The following SNX29 variants were observed in gnomAD, a reference collection of about 807,000 sequenced individuals.
SNX29 encodes sorting nexin-29.
Under a neutral mutation model 102.1 loss-of-function variants are expected in SNX29, and 78 were observed. That is an observed-to-expected ratio of 0.76 (90% CI 0.64 to 0.92). The LOEUF is 0.92. Ranked by LOEUF, SNX29 falls within the 40% of genes least tolerant of loss-of-function variation. The probability of loss-of-function intolerance (pLI) is 0.00; values close to 1 mark genes in which losing one functional copy is unlikely to be tolerated. For missense variants in SNX29, 1,280 were observed against 1,061.7 expected, an observed-to-expected ratio of 1.21 and a Z score of -2.86; for synonymous variants, 580 against 414.5, an observed-to-expected ratio of 1.40 and a Z score of -4.85.
chr16:12,181,936 T>G (rs1011168200), intron 13 of SNX29, among the ~76,000 whole-genome samples: 15 of 151,550 alleles, frequency 9.9e-5, no homozygotes, highest in Non-Finnish European at 1.6e-4. Flanking sequence ...CAGGCTGAAG[T>G]GCAGTGGCAC....
At chr16:12,173,678 G>T (rs969889807) in intron 13 of SNX29, among the ~76,000 whole-genome samples, 1 of 152,226 alleles carries the variant, frequency 6.6e-6, no homozygotes, top group Admixed American at 6.5e-5. Context: ...TGGGAGAAGG[G>T]AAGGCTTCAT....
chr16:12,548,571 C>T (rs2077757819), intron 20 of SNX29, among the ~76,000 whole-genome samples: 1 of 152,174 alleles, frequency 6.6e-6, no homozygotes, highest in Non-Finnish European at 1.5e-5. Flanking sequence ...ATGATGCTGG[C>T]TTCCCTGTAA....
chr16:12,460,138 C>T (rs774739075), intron 18 of SNX29, among the ~76,000 whole-genome samples: 1 of 152,166 alleles, frequency 6.6e-6, no homozygotes, highest in Non-Finnish European at 1.5e-5. Flanking sequence ...GGCTGAATCA[C>T]GACCTCCCCA....
At chr16:12,106,103 T>G (rs752102951) in intron 11 of SNX29, among the ~76,000 whole-genome samples, 1 of 152,194 alleles carries the variant, frequency 6.6e-6, no homozygotes, top group African/African-American at 2.4e-5. Flanking sequence ...CACAGCTTAA[T>G]GATACGAAAT....
intron 13 of SNX29, among the ~76,000 whole-genome samples, chr16:12,181,976 G>A (rs2076396093): frequency 6.6e-6 from 1 of 151,662 alleles, no homozygotes; most frequent in African/African-American, 2.4e-5. Context: ...CTGTGCCTCT[G>A]GGGTTCAAGC....
At position 12,469,839 on chromosome 16, in the gene SNX29, C is replaced by T. The variant is rs143297745; in HGVS notation, c.2038-7880C>T. Among the ~76,000 whole-genome samples the T allele has an allele frequency of 2.7e-4, 41 of 152,158 alleles. No homozygotes were observed. In the East Asian group the frequency reaches 7.0e-3, roughly 26 times the overall value. On this transcript the variant is annotated intron_variant, in intron 18 of 20. Transcript: ENST00000566228. ...CAGCCTGGCCAACATGGTGAAACCC[C>T]GTCTCTACTAACAATACAAAATTAA...
intron 11 of SNX29, among the ~76,000 whole-genome samples, chr16:12,112,526 G>T (rs2053540536): frequency 6.6e-6 from 1 of 152,184 alleles, no homozygotes; most frequent in African/African-American, 2.4e-5. Flanking sequence ...AGAAGGCATG[G>T]GTGGAATCCT....
At chr16:12,516,836 C>G (rs1245377282) in intron 19 of SNX29, among the ~76,000 whole-genome samples, 1 of 152,164 alleles carries the variant, frequency 6.6e-6, no homozygotes, top group Admixed American at 6.5e-5. Context: ...CAGAAACAAA[C>G]CAGGAAACAA....
chr16:12,444,842 G>GTTTT (rs34218008), intron 18 of SNX29, among the ~76,000 whole-genome samples: 9 of 132,596 alleles, frequency 6.8e-5, no homozygotes, highest in Non-Finnish European at 1.1e-4. Context: ...GTTTTTTTTT[G>GTTTT]TTTTTTTTTT....
chr16:12,092,044 G>C (rs965523325), intron 11 of SNX29, among the ~76,000 whole-genome samples: 1 of 152,144 alleles, frequency 6.6e-6, no homozygotes, highest in Non-Finnish European at 1.5e-5. Flanking sequence ...TTCCCTGGCC[G>C]TCCATCTAGA....
intron 17 of SNX29, among the ~76,000 whole-genome samples, chr16:12,401,553 A>C (rs1297119194): frequency 6.6e-6 from 1 of 151,690 alleles, no homozygotes; most frequent in Non-Finnish European, 1.5e-5. Context: ...TAGTAGAGAC[A>C]GGGTTTCACC....
intron 19 of SNX29, among the ~76,000 whole-genome samples, chr16:12,513,381 C>T (rs1181340096): frequency 6.6e-6 from 1 of 151,630 alleles, no homozygotes; most frequent in East Asian, 1.9e-4. Flanking sequence ...CTGCCCTGCC[C>T]TGCTCTCCCT....
chr16:12,568,638 A>C lies in SNX29; in HGVS notation c.*9A>C, dbSNP rs759876229. 3.7e-5 allele frequency: 60 copies of C among 1,601,594 alleles called. No individual in the cohort carries two copies. The highest frequency in any genetic ancestry group is 4.7e-5 in the Non-Finnish European group (55 of 1,179,688). Reference sequence around the variant, plus strand: ...AGAGCGGTGACCTCTGACCTCGACAAAACCGCAGCCACGGGCCCTGTGCGT... The same window carrying C: ...AGAGCGGTGACCTCTGACCTCGACACAACCGCAGCCACGGGCCCTGTGCGT... On this transcript the variant is annotated 3_prime_UTR_variant, in exon 21 of 21. Transcript: ENST00000566228.
chr16:12,239,175 G>T (rs1344375057), intron 14 of SNX29, among the ~76,000 whole-genome samples: 2 of 152,210 alleles, frequency 1.3e-5, no homozygotes, highest in Non-Finnish European at 2.9e-5. Flanking sequence ...AGAAGGAGGG[G>T]ATGGATGCCA....
intron 18 of SNX29, among the ~76,000 whole-genome samples, chr16:12,442,592 T>A (rs545175907): frequency 6.6e-6 from 1 of 151,744 alleles, no homozygotes; most frequent in East Asian, 1.9e-4. Context: ...TTTTTTTGTT[T>A]TTTTTTTTTT....
At chr16:12,370,561 A>G (rs1243488826) in intron 16 of SNX29, among the ~76,000 whole-genome samples, 2 of 152,216 alleles carry the variant, frequency 1.3e-5, no homozygotes, top group Non-Finnish European at 2.9e-5. Flanking sequence ...CTCCGTCTCA[A>G]AACAAATAAA....
chr16:12,202,237 A>G (rs542367671), intron 14 of SNX29, among the ~76,000 whole-genome samples: 45 of 152,302 alleles, frequency 3.0e-4, no homozygotes, highest in African/African-American at 1.1e-3. Flanking sequence ...CAAATTTCAG[A>G]TTCCCACCCT....
intron 7 of SNX29, among the ~76,000 whole-genome samples, chr16:12,050,878 ATT>A (rs530304484): frequency 4.8e-5 from 7 of 144,982 alleles, no homozygotes; most frequent in Admixed American, 6.9e-5. Flanking sequence ...CGCCCAACTA[ATT>A]TTTTTTTTTT....
At chr16:12,299,620 G>C (rs1362850960) in intron 15 of SNX29, among the ~76,000 whole-genome samples, 1 of 152,058 alleles carries the variant, frequency 6.6e-6, no homozygotes, top group Non-Finnish European at 1.5e-5. Flanking sequence ...TTGCTACTGG[G>C]TTGGCTATTG....
Sources: gnomAD v4.1 joint callset for allele counts (sites outside exome capture counted in the v4.1 genomes callset) on GRCh38, gnomAD v4.1.1 for gene constraint, MANE v1.5 for transcripts, NCBI Gene and HGNC (gene_info 2026-07-23, HGNC 2026-07-21) for gene names.